The following OTC variants were observed in gnomAD, a reference collection of about 807,000 sequenced individuals.
The protein encoded by OTC is ornithine transcarbamylase, mitochondrial.
A neutral mutation model predicts 30.3 loss-of-function variants in OTC; 3 were observed. The ratio of observed to expected loss-of-function variants is 0.10; its 90% confidence interval spans 0.05 to 0.26. OTC has a LOEUF of 0.26. OTC is among the 10% of genes least tolerant of loss of function. The pLI, the probability that OTC is intolerant of heterozygous loss-of-function variation, is 1.00. For synonymous variants in OTC, 111 were observed against 99.7 expected, an observed-to-expected ratio of 1.11 and a Z score of -0.67; for missense variants, 194 against 260.3, an observed-to-expected ratio of 0.75 and a Z score of 1.75.
intron 3 of OTC, among the ~76,000 whole-genome samples, chrX:38,374,384 A>G (rs2068335980): frequency 9.1e-6 from 1 of 109,518 alleles, no homozygotes; most frequent in East Asian, 2.9e-4. Context: ...ATAAGCACGT[A>G]TTACCATCCA....
At chrX:38,346,036 G>T in the OTC span, among the ~76,000 whole-genome samples, 3 of 111,726 alleles carry the variant, frequency 2.7e-5, no homozygotes, top group South Asian at 1.1e-3. Flanking sequence ...GGTTAAGTTA[G>T]ATCTCTTTCA....
chrX:38,352,649 G>T lies in OTC; in HGVS notation c.-48G>T, dbSNP rs182454762. 8.3e-4 allele frequency: 841 copies of T among 1,013,723 alleles called. 2 individuals are homozygous for T. Among genetic ancestry groups the T allele is most frequent in the East Asian group, 3.1e-3 (102 of 32,762 alleles). The allele number at this position is 1,013,723 out of a possible 1,213,427, so 83.5% of individuals were successfully genotyped here. A position where few individuals can be genotyped will look rare whatever the true frequency, so the allele number is the denominator to read the frequency against. ...GGTGGCCCCCGCTGGCTAACTTGCT[G>T]TGGAGTTTTCAAGGGCATAGAATCG... On this transcript the variant is annotated 5_prime_UTR_variant, in exon 1 of 10. Transcript: ENST00000039007.
chrX:38,382,808 A>G (rs2068382630), intron 4 of OTC, among the ~76,000 whole-genome samples: 2 of 112,242 alleles, frequency 1.8e-5, no homozygotes, highest in East Asian at 5.6e-4. Context: ...TGAATGAGTC[A>G]TATGTAAAGC....
At chrX:38,418,065 C>A (rs747988037) in intron 9 of OTC, among the ~76,000 whole-genome samples, 2 of 111,404 alleles carry the variant, frequency 1.8e-5, no homozygotes, top group South Asian at 7.6e-4. Flanking sequence ...ATCTCTATAT[C>A]ATTTTTTATA....
intron 3 of OTC, among the ~76,000 whole-genome samples, chrX:38,374,089 G>A (rs1438342804): frequency 9.0e-6 from 1 of 111,443 alleles, no homozygotes; most frequent in Admixed American, 9.5e-5. Context: ...GCGTGAACCC[G>A]GGAGGCGGAG....
chrX:38,348,612 C>T (rs2147313741), upstream of OTC, among the ~76,000 whole-genome samples: 1 of 103,338 alleles, frequency 9.7e-6, no homozygotes, highest in East Asian at 3.1e-4. Context: ...TCTCGGCTCA[C>T]TGCAAGCTCC....
intron 1 of OTC, among the ~76,000 whole-genome samples, chrX:38,365,605 T>C (rs1392610787): frequency 8.9e-6 from 1 of 112,589 alleles, no homozygotes; most frequent in African/African-American, 3.2e-5. Context: ...GTTTCTATTG[T>C]GTATCATGTG....
At chrX:38,342,548 A>G in the OTC span, among the ~76,000 whole-genome samples, 1 of 111,613 alleles carries the variant, frequency 9.0e-6, no homozygotes, top group Admixed American at 9.6e-5. Context: ...CATACTCACA[A>G]CAAAGCTATG....
chrX:38,397,180 A>G (rs1321779166), intron 4 of OTC, among the ~76,000 whole-genome samples: 1 of 112,202 alleles, frequency 8.9e-6, no homozygotes. Context: ...TATTACTATT[A>G]TAATTTTGTA....
At chrX:38,391,430 C>T in intron 4 of OTC, among the ~76,000 whole-genome samples, 1 of 111,393 alleles carries the variant, frequency 9.0e-6, no homozygotes, top group Non-Finnish European at 1.9e-5. Flanking sequence ...TTTATATACT[C>T]AGCTATTTTG....
rs776986725 is a variant in OTC, at chrX:38,402,761, A to G, written c.541-857A>G. Among the ~76,000 whole-genome samples, 166 of 111,301 alleles carry G rather than the reference A, an allele frequency of 1.5e-3. 2 individuals are homozygous for G. The highest frequency in any genetic ancestry group is 2.5e-3 in the Admixed American group (26 of 10,407). ...AATATGTTATTATCCTGATGTTAGT[A>G]TCTTTACACATATCTATAGCCATAA... On this transcript the variant is annotated intron_variant, in intron 5 of 9. Transcript: ENST00000039007.
intron 3 of OTC, among the ~76,000 whole-genome samples, chrX:38,372,757 G>C (rs758027057): frequency 8.9e-6 from 1 of 112,768 alleles, no homozygotes; most frequent in South Asian, 3.6e-4. Flanking sequence ...AATCATGACA[G>C]AACATTCCTA....
At chrX:38,393,441 G>T (rs1188306088) in intron 4 of OTC, among the ~76,000 whole-genome samples, 1 of 111,535 alleles carries the variant, frequency 9.0e-6, no homozygotes, top group Non-Finnish European at 1.9e-5. Flanking sequence ...CTTTTGTATG[G>T]TCCTGGAATT....
At chrX:38,389,959 A>G (rs192956289) in intron 4 of OTC, among the ~76,000 whole-genome samples, 86 of 112,016 alleles carry the variant, frequency 7.7e-4, no homozygotes, top group Non-Finnish European at 1.3e-3. Context: ...CAATCTCAAG[A>G]CAAGCACTGA....
At chrX:38,362,850 C>A (rs894419957) in intron 1 of OTC, among the ~76,000 whole-genome samples, 10 of 111,972 alleles carry the variant, frequency 8.9e-5, no homozygotes, top group African/African-American at 3.2e-4. Context: ...CCTCCTCTTT[C>A]CTGTTTCCTT....
At chrX:38,356,528 C>T (rs1213531595) in intron 1 of OTC, among the ~76,000 whole-genome samples, 2 of 111,740 alleles carry the variant, frequency 1.8e-5, no homozygotes, top group Non-Finnish European at 3.8e-5. Context: ...CCCCATCTCA[C>T]AGACTGAATG....
chrX:38,371,382 C>A (rs149092423), intron 3 of OTC, among the ~76,000 whole-genome samples: 1,181 of 111,696 alleles, frequency 0.011, 7 homozygotes, highest in Non-Finnish European at 0.018. Flanking sequence ...TCTGCTCTAC[C>A]AGACCTCACT....
chrX:38,338,206 C>T, the OTC span, among the ~76,000 whole-genome samples: 4 of 112,066 alleles, frequency 3.6e-5, no homozygotes, highest in African/African-American at 1.3e-4. Flanking sequence ...TATCTTTGAC[C>T]ATCTCAGATC....
chrX:38,369,767 T>G, intron 2 of OTC, 29 bp from the exon 3 acceptor site: 2 of 885,138 alleles, frequency 2.3e-6, no homozygotes, highest in Non-Finnish European at 3.3e-6. Context: ...AAGATATATT[T>G]TAATTCTATT....
Sources: allele counts gnomAD v4.1 joint callset (sites outside exome capture counted in the v4.1 genomes callset), GRCh38; gene constraint gnomAD v4.1.1; transcripts MANE v1.5; gene names NCBI Gene and HGNC (gene_info 2026-07-23, HGNC 2026-07-21).